AFAP1L1: variants seen among roughly 807,000 people sequenced by gnomAD.
The protein encoded by AFAP1L1 is actin filament-associated protein 1-like 1.
Under a neutral mutation model 99.8 loss-of-function variants are expected in AFAP1L1, and 77 were observed. The observed-to-expected ratio is 0.77, with a 90% CI of 0.64 to 0.93. AFAP1L1 has a LOEUF of 0.93. AFAP1L1 is among the 40% of genes least tolerant of loss of function. AFAP1L1 has a pLI of 0.00. For synonymous variants in AFAP1L1, 373 were observed against 395.3 expected, an observed-to-expected ratio of 0.94 and a Z score of 0.67; for missense variants, 893 against 996.8, an observed-to-expected ratio of 0.90 and a Z score of 1.40.
chr5:149,333,925 ATATT>A (rs1757333235), intron 17 of AFAP1L1, among the ~76,000 whole-genome samples: 1 of 152,120 alleles, frequency 6.6e-6, no homozygotes, highest in South Asian at 2.1e-4. Context: ...GTGTGTATAT[ATATT>A]TGTGTCCTTG....
At chr5:149,280,896 C>T (rs1014208225) in intron 1 of AFAP1L1, among the ~76,000 whole-genome samples, 3 of 152,198 alleles carry the variant, frequency 2.0e-5, no homozygotes, top group Admixed American at 1.3e-4. Context: ...GCACAGAGTG[C>T]CAGAATGGAA....
At position 149,316,184 on chromosome 5, in the gene AFAP1L1, AGGGCTCAATGAGCAGGGCTGC is replaced by A. The variant is rs1482812021; in HGVS notation, c.1153_1173del (p.Ser385_Gly391del). The A allele has an allele frequency of 6.2e-7, 1 of 1,614,080 alleles. No homozygotes were observed. Among genetic ancestry groups the A allele is most frequent in the Admixed American group, 1.7e-5 (1 of 60,014 alleles). On this transcript the variant is annotated inframe_deletion, in exon 11 of 19. Coordinates refer to ENST00000296721, the MANE Select transcript of AFAP1L1 (RefSeq NM_152406.4). ...AAGAAGAGCAGCCTGGCAGAACTGA[AGGGCTCAATGAGCAGGGCTGC>A]GGGCCGCAAGATCACCCGTATCATT...
chr5:149,301,055 C>A, intron 3 of AFAP1L1, 78 bp from the exon 4 acceptor site: 1 of 1,341,702 alleles, frequency 7.5e-7, no homozygotes, highest in Non-Finnish European at 1.1e-6. Flanking sequence ...GGCCTCCTGA[C>A]CCCAAATCCA....
Position 149,310,125 on chromosome 5 carries a change from AG to A in AFAP1L1, c.918del (p.Glu306AspfsTer3), listed in dbSNP as rs760672570. On this transcript the variant is annotated frameshift_variant, in exon 8 of 19. Coordinates refer to ENST00000296721, the MANE Select transcript of AFAP1L1 (RefSeq NM_152406.4). LOFTEE classifies it high-confidence loss of function. ...LALQSREQAE[E>X]WLKVIREVSK... ...CTGCAGAGCCGAGAGCAGGCCGAGG[AG>A]TGGCTGAAGGTGCGTGGCCTGCACC... 1 of 1,601,768 alleles carries A rather than the reference AG, an allele frequency of 6.2e-7. No homozygotes were observed. Among genetic ancestry groups the A allele is most frequent in the East Asian group, 2.2e-5 (1 of 44,702 alleles).
chr5:149,307,486 A>G lies in AFAP1L1; in HGVS notation c.620A>G (p.Gln207Arg). Residue 207 changes from glutamine (Q) to arginine (R), a missense_variant, in exon 7 of 19, where the codon CAG becomes CGG. By Grantham distance (43) the Gln-to-Arg change is conservative. Transcript: ENST00000296721. ...GGGAAGAGCCCGCAGCCCCGACACC[A>G]GTGGCCCTCAGAGGAGGCCTCCATG... ...EEGKSPQPRHQWPSEEASMHL... is the reference protein window; with the variant it reads ...EEGKSPQPRHRWPSEEASMHL... 6.2e-7 allele frequency: 1 copy of G among 1,614,186 alleles called. No individual in the cohort carries two copies. Among genetic ancestry groups the G allele is most frequent in the East Asian group, 2.2e-5 (1 of 44,872 alleles).
intron 15 of AFAP1L1, among the ~76,000 whole-genome samples, chr5:149,328,024 G>GA (rs1757144269): frequency 1.3e-5 from 2 of 152,092 alleles, no homozygotes; most frequent in African/African-American, 2.4e-5. Flanking sequence ...CAAAGACAAG[G>GA]AAAAAATCTT....
At chr5:149,334,641 G>A (rs1757351362) in intron 17 of AFAP1L1, among the ~76,000 whole-genome samples, 2 of 152,322 alleles carry the variant, frequency 1.3e-5, no homozygotes, top group South Asian at 4.1e-4. Context: ...GCCAGGCATG[G>A]TAACTCATGC....
At chr5:149,302,355 C>G (rs1756250468) in intron 4 of AFAP1L1, 63 bp from the exon 5 acceptor site, 1 of 1,255,330 alleles carries the variant, frequency 8.0e-7, no homozygotes, top group South Asian at 1.5e-5. Context: ...GCCTCCCTCT[C>G]CCTCAGCCTC....
chr5:149,319,686 G>T lies in AFAP1L1; in HGVS notation c.1584G>T (p.Glu528Asp). 4.3e-6 allele frequency: 7 copies of T among 1,612,476 alleles called. No homozygotes were observed. The highest frequency in any genetic ancestry group is 5.9e-6 in the Non-Finnish European group (7 of 1,180,032). The change falls in exon 13 of 19, where the codon GAG becomes GAT. Residue 528 changes from glutamate to aspartate, a missense_variant. By Grantham distance (45) the Glu-to-Asp change is conservative. Coordinates refer to ENST00000296721, the MANE Select transcript of AFAP1L1 (RefSeq NM_152406.4). ...TGCACTATGACTACGTGGATGTGGA[G>T]ACCTTAACCAGCATCGTCAGTGCTG... Reference protein sequence around the residue: ...EALHYDYVDVETLTSIVSAGR... With the variant: ...EALHYDYVDVDTLTSIVSAGR...
Position 149,343,195 on chromosome 5 carries a change from T to C in AFAP1L1, c.*3165T>C, listed in dbSNP as rs1296246762. 6.6e-6 allele frequency among the ~76,000 whole-genome samples: 1 copy of C among 152,044 alleles called. No homozygotes were observed. Among genetic ancestry groups the C allele is most frequent in the Non-Finnish European group, 1.5e-5 (1 of 68,008 alleles). On this transcript the variant is annotated 3_prime_UTR_variant, in exon 19 of 19. Transcript: ENST00000296721. Reference sequence around the variant, plus strand: ...TTGGACCTCGGATTAGATAAAAAGATGAAAATACTCCAGCTCTGTCCTCAT... The same window carrying C: ...TTGGACCTCGGATTAGATAAAAAGACGAAAATACTCCAGCTCTGTCCTCAT...
At chr5:149,282,997 A>G (rs2127589794) in intron 1 of AFAP1L1, among the ~76,000 whole-genome samples, 1 of 152,342 alleles carries the variant, frequency 6.6e-6, no homozygotes, top group East Asian at 1.9e-4. Flanking sequence ...CACTGAGCAC[A>G]GCCCATTCCA....
intron 1 of AFAP1L1, among the ~76,000 whole-genome samples, chr5:149,282,512 A>C (rs781753145): frequency 2.5e-4 from 38 of 152,308 alleles, no homozygotes; most frequent in South Asian, 6.2e-4. Flanking sequence ...TTAAGGTTGA[A>C]GTATTAGAGT....
intron 1 of AFAP1L1, among the ~76,000 whole-genome samples, chr5:149,287,681 C>T (rs997377727): frequency 6.6e-6 from 1 of 151,692 alleles, no homozygotes; most frequent in Non-Finnish European, 1.5e-5. Flanking sequence ...CTCCTGGGTT[C>T]AAGCGATTCT....
At chr5:149,282,709 T>C (rs1217533476) in intron 1 of AFAP1L1, among the ~76,000 whole-genome samples, 1 of 152,212 alleles carries the variant, frequency 6.6e-6, no homozygotes, top group Non-Finnish European at 1.5e-5. Flanking sequence ...TAGTATCTTG[T>C]CCTTTACCGA....
At chr5:149,306,487 G>A (rs905152778) in intron 6 of AFAP1L1, 83 bp downstream of exon 6, 8 of 1,292,756 alleles carry the variant, frequency 6.2e-6, no homozygotes, top group African/African-American at 3.0e-5. Flanking sequence ...CTTAGCATGG[G>A]TGTGCCCACC....
At chr5:149,282,714 T>C (rs548687794) in intron 1 of AFAP1L1, among the ~76,000 whole-genome samples, 1 of 152,334 alleles carries the variant, frequency 6.6e-6, no homozygotes, top group Admixed American at 6.5e-5. Flanking sequence ...TCTTGTCCTT[T>C]ACCGAAAAGG....
intron 14 of AFAP1L1, among the ~76,000 whole-genome samples, 175 bp from the exon 15 acceptor site, chr5:149,322,431 A>G (rs1756976322): frequency 6.6e-6 from 1 of 152,226 alleles, no homozygotes; most frequent in African/African-American, 2.4e-5. Context: ...TGAGGTTCAA[A>G]TGATATACTG....
At chr5:149,283,278 G>A (rs890332016) in intron 1 of AFAP1L1, among the ~76,000 whole-genome samples, 8 of 152,168 alleles carry the variant, frequency 5.3e-5, no homozygotes, top group Non-Finnish European at 1.0e-4. Flanking sequence ...GGGCCTCAGG[G>A]CTGCCATTAG....
At position 149,341,339 on chromosome 5, in the gene AFAP1L1, C is replaced by G. The variant is rs919319730; in HGVS notation, c.*1309C>G. The G allele has an allele frequency of 2.9e-4, 44 of 152,236 alleles. No homozygotes were observed. Among genetic ancestry groups the G allele is most frequent in the African/African-American group, 1.0e-3 (43 of 41,534 alleles). The allele number at this position is 152,236 out of a possible 1,614,324, so 9.4% of individuals were successfully genotyped here. On this transcript the variant is annotated 3_prime_UTR_variant, in exon 19 of 19. Transcript: ENST00000296721. Reference sequence around the variant, plus strand: ...GAAAAATAACCTGACCAGTAATCACCCACTGATTAGTGGCAGAGCGTAGGA... The same window carrying G: ...GAAAAATAACCTGACCAGTAATCACGCACTGATTAGTGGCAGAGCGTAGGA...
Sources: gnomAD v4.1 joint callset for allele counts (sites outside exome capture counted in the v4.1 genomes callset) on GRCh38, gnomAD v4.1.1 for gene constraint, MANE v1.5 for transcripts, NCBI Gene and HGNC (gene_info 2026-07-23, HGNC 2026-07-21) for gene names.